Variants in SAXO1 observed in about 807,000 individuals in gnomAD.
SAXO1 encodes stabilizer of axonemal microtubules 1, also known as 4930500O09Rik.
A neutral mutation model predicts 17.5 loss-of-function variants in SAXO1; 21 were observed. The ratio of observed to expected loss-of-function variants is 1.20; its 90% CI spans 0.85 to 1.72. The LOEUF (loss-of-function observed/expected upper bound fraction) is 1.72. Among genes scored for constraint, SAXO1 ranks in the 40% most tolerant of loss-of-function variants. SAXO1 has a pLI of 0.00. For synonymous variants in SAXO1, 274 were observed against 216.5 expected, an observed-to-expected ratio of 1.27 and a Z score of -2.33; for missense variants, 843 against 596.0, an observed-to-expected ratio of 1.41 and a Z score of -4.32.
At chr9:19,027,831 AC>A in intron 1 of SAXO1, 1 of 1,453,294 alleles carries the variant, frequency 6.9e-7, no homozygotes, top group East Asian at 2.3e-5. Context: ...GCAGTCACAA[AC>A]CGGGTGGACA....
At chr9:19,008,904 A>T (rs1834603558) in intron 1 of SAXO1, among the ~76,000 whole-genome samples, 1 of 152,214 alleles carries the variant, frequency 6.6e-6, no homozygotes, top group Non-Finnish European at 1.5e-5. Flanking sequence ...CAACTCAGCG[A>T]GGGGAAAGCT....
At chr9:19,013,200 A>C (rs1344719657) in intron 1 of SAXO1, among the ~76,000 whole-genome samples, 2 of 152,210 alleles carry the variant, frequency 1.3e-5, no homozygotes, top group Non-Finnish European at 2.9e-5. Context: ...GAAGCGATGA[A>C]AGACTAAATA....
chr9:18,958,499 C>G (rs1452928994), intron 1 of SAXO1, among the ~76,000 whole-genome samples: 1 of 152,012 alleles, frequency 6.6e-6, no homozygotes, highest in African/African-American at 2.4e-5. Context: ...TAACAGAAAG[C>G]AGGGCCAACC....
chr9:18,968,907 C>G lies in SAXO1; in HGVS notation c.39-17970G>C, dbSNP rs548517668. On this transcript the variant is annotated intron_variant, in intron 1 of 3. Transcript: ENST00000380534. ...CTGCACCCAACCAAAAATATCCCTA[C>G]TTTTAGAGAAGCATAATAAGGTAGG... Among the ~76,000 whole-genome samples the G allele has an allele frequency of 6.4e-4, 98 of 152,228 alleles. 1 individual carries two copies. The highest frequency in any genetic ancestry group is 3.4e-3 in the Middle Eastern group (1 of 294).
Position 18,928,645 on chromosome 9 carries a change from A to G in SAXO1, c.832T>C (p.Tyr278His). The G allele has an allele frequency of 6.2e-7, 1 of 1,614,082 alleles. No individual in the cohort carries two copies. Among genetic ancestry groups the G allele is most frequent in the Non-Finnish European group, 8.5e-7 (1 of 1,180,024 alleles). Residue 278 changes from tyrosine (Y) to histidine (H), a missense_variant, in exon 4 of 4, where the codon TAC becomes CAC. Coordinates refer to ENST00000380534, the MANE Select transcript of SAXO1 (RefSeq NM_153707.4). ...ATCCGGGGCATTGGCCAAGCTTGGT[A>G]CTTATCTCGAAACTCAGTGGTGTTA... ...FCNTTEFRDK[Y>H]QAWPMPRMFS...
At chr9:18,981,608 C>T (rs974958037) in intron 1 of SAXO1, among the ~76,000 whole-genome samples, 1 of 152,156 alleles carries the variant, frequency 6.6e-6, no homozygotes, top group Admixed American at 6.5e-5. Context: ...TTTTCTGTGC[C>T]TCTGTGTTTT....
chr9:18,945,736 A>G (rs1831763827), intron 2 of SAXO1, among the ~76,000 whole-genome samples: 1 of 152,170 alleles, frequency 6.6e-6, no homozygotes, highest in African/African-American at 2.4e-5. Context: ...TGAGGCAAAT[A>G]TCTGTCACCA....
At chr9:18,974,042 T>G (rs1439953272) in intron 1 of SAXO1, among the ~76,000 whole-genome samples, 1 of 152,192 alleles carries the variant, frequency 6.6e-6, no homozygotes, top group Admixed American at 6.5e-5. Context: ...CTTGGGGCCC[T>G]TATGTCTTAT....
intron 1 of SAXO1, among the ~76,000 whole-genome samples, chr9:18,973,264 T>G (rs7044023): frequency 0.18 from 27,636 of 152,168 alleles, 5,251 homozygotes; most frequent in African/African-American, 0.49. Flanking sequence ...ATGCATAAAA[T>G]GAGCTTTGTG....
chr9:19,002,035 T>C (rs571715652), intron 1 of SAXO1, among the ~76,000 whole-genome samples: 1 of 151,948 alleles, frequency 6.6e-6, no homozygotes, highest in Admixed American at 6.6e-5. Context: ...AAGAGTCAAA[T>C]AGACGCAATA....
intron 1 of SAXO1, among the ~76,000 whole-genome samples, chr9:19,038,325 C>G (rs974896936): frequency 5.9e-5 from 9 of 152,196 alleles, no homozygotes; most frequent in Non-Finnish European, 1.0e-4. Flanking sequence ...TATTGCAGCA[C>G]TATTCACAAT....
At chr9:18,976,859 C>T (rs559934238) in intron 1 of SAXO1, among the ~76,000 whole-genome samples, 2 of 152,320 alleles carry the variant, frequency 1.3e-5, no homozygotes, top group South Asian at 2.1e-4. Flanking sequence ...CACAGCCTGC[C>T]GTCCTCCAGC....
intron 1 of SAXO1, among the ~76,000 whole-genome samples, chr9:18,999,710 A>G (rs141675056): frequency 0.03 from 4,283 of 143,052 alleles, 94 homozygotes; most frequent in Non-Finnish European, 0.043. Context: ...CTGGAGAGTG[A>G]GGAGCACCTC....
chr9:18,936,878 G>A (rs540596079), intron 3 of SAXO1, among the ~76,000 whole-genome samples: 1 of 152,248 alleles, frequency 6.6e-6, no homozygotes, highest in South Asian at 2.1e-4. Context: ...TTTTATTGGT[G>A]GTTTTCTGGA....
intron 1 of SAXO1, chr9:19,027,126 G>A (rs954199143): frequency 6.0e-5 from 62 of 1,030,492 alleles, no homozygotes; most frequent in Admixed American, 4.6e-4. Flanking sequence ...CAACATCATC[G>A]AGCTCCTGGA....
intron 1 of SAXO1, among the ~76,000 whole-genome samples, chr9:18,965,644 G>C (rs2131774478): frequency 6.6e-6 from 1 of 151,328 alleles, no homozygotes; most frequent in East Asian, 1.9e-4. Flanking sequence ...GTGTGTCTTT[G>C]CATGTGAGAT....
intron 1 of SAXO1, among the ~76,000 whole-genome samples, chr9:18,997,668 G>C (rs1490471776): frequency 2.0e-5 from 3 of 152,210 alleles, no homozygotes; most frequent in Non-Finnish European, 4.4e-5. Context: ...CCTTAAGTGG[G>C]TCCCTGACCC....
intron 1 of SAXO1, among the ~76,000 whole-genome samples, chr9:19,012,351 C>T (rs529637154): frequency 7.1e-4 from 108 of 152,356 alleles, no homozygotes; most frequent in African/African-American, 1.9e-3. Flanking sequence ...CAGTTAGAGG[C>T]GCTAGGGCGC....
chr9:19,047,793 C>G (rs919373335), intron 1 of SAXO1, among the ~76,000 whole-genome samples: 2 of 152,188 alleles, frequency 1.3e-5, no homozygotes, highest in African/African-American at 4.8e-5. Context: ...AATTTTTACT[C>G]TCCTCATACT....
Sources: allele counts gnomAD v4.1 joint callset (sites outside exome capture counted in the v4.1 genomes callset), GRCh38; gene constraint gnomAD v4.1.1; transcripts MANE v1.5; gene names NCBI Gene and HGNC (gene_info 2026-07-23, HGNC 2026-07-21).